Variants in MECOM observed in about 807,000 individuals in gnomAD.
MECOM encodes the protein MDS1 and EVI1 complex locus, also known as histone-lysine N-methyltransferase MECOM.
Under a neutral mutation model 116.3 loss-of-function variants are expected in MECOM, and 13 were observed. The ratio of observed to expected loss-of-function variants is 0.11; its 90% CI spans 0.07 to 0.18. The LOEUF is 0.18. Among genes scored for constraint, MECOM ranks in the 10% least tolerant of loss-of-function variants. The pLI is 1.00. For synonymous variants in MECOM, 528 were observed against 535.2 expected (o/e 0.99, Z 0.19); for missense variants, 1,299 against 1,509.0 (o/e 0.86, Z 2.31).
chr3:169,501,396 A>G (rs1252439392), intron 1 of MECOM, among the ~76,000 whole-genome samples: 5 of 152,016 alleles, frequency 3.3e-5, no homozygotes, highest in Non-Finnish European at 7.4e-5. Flanking sequence ...AAATTACTGA[A>G]AGGCATTTTA....
chr3:169,394,899 T>C (rs1734790408), intron 1 of MECOM, among the ~76,000 whole-genome samples: 1 of 152,198 alleles, frequency 6.6e-6, no homozygotes, highest in African/African-American at 2.4e-5. Context: ...TCTGCATTTT[T>C]CTTCAAAGTT....
At chr3:169,571,515 A>T (rs1314772182) in intron 1 of MECOM, among the ~76,000 whole-genome samples, 1 of 152,254 alleles carries the variant, frequency 6.6e-6, no homozygotes, top group Non-Finnish European at 1.5e-5. Flanking sequence ...TGGAACAGAA[A>T]TAGAGCCCGT....
intron 2 of MECOM, among the ~76,000 whole-genome samples, chr3:169,248,505 T>C (rs1755862593): frequency 1.3e-5 from 2 of 152,232 alleles, no homozygotes; most frequent in Non-Finnish European, 2.9e-5. Context: ...GTTCTAGGAA[T>C]ACCCTTTTGT....
At chr3:169,418,737 G>T (rs560750111) in intron 1 of MECOM, among the ~76,000 whole-genome samples, 2 of 152,024 alleles carry the variant, frequency 1.3e-5, no homozygotes. Context: ...GGTATTGATG[G>T]AACATATGTC....
intron 2 of MECOM, among the ~76,000 whole-genome samples, chr3:169,237,610 C>CAAAAAAAAAAA (rs775383808): frequency 1.2e-5 from 1 of 80,644 alleles, no homozygotes; most frequent in Non-Finnish European, 2.5e-5. Context: ...GTCTCCATCA[C>CAAAAAAAAAAA]AAAAAAAAAA....
At position 169,501,530 on chromosome 3, in the gene MECOM, T is replaced by G. The variant is rs1177302789; in HGVS notation, c.38-120006A>C. Among the ~76,000 whole-genome samples the G allele has an allele frequency of 2.0e-5, 3 of 152,068 alleles. No individual in the cohort carries two copies. In the East Asian group the frequency reaches 5.8e-4, roughly 29 times the overall value. On this transcript the variant is annotated intron_variant, in intron 1 of 16. Transcript: ENST00000651503. ...CGTTTTTAACCCAGCTCTGAAAGACTCATTTGAATATTGCTAATAAAAAAT... is the reference window on the plus strand; with the variant it reads ...CGTTTTTAACCCAGCTCTGAAAGACGCATTTGAATATTGCTAATAAAAAAT...
At chr3:169,354,927 A>C (rs1727000116) in intron 2 of MECOM, among the ~76,000 whole-genome samples, 1 of 151,872 alleles carries the variant, frequency 6.6e-6, no homozygotes, top group Non-Finnish European at 1.5e-5. Flanking sequence ...CGGCGCAATG[A>C]ATTAGCACTC....
intron 1 of MECOM, among the ~76,000 whole-genome samples, chr3:169,653,787 C>G (rs1775203723): frequency 6.6e-6 from 1 of 152,136 alleles, no homozygotes; most frequent in African/African-American, 2.4e-5. Flanking sequence ...TACCTCTAGT[C>G]CACAAGTAAG....
intron 2 of MECOM, among the ~76,000 whole-genome samples, chr3:169,158,908 G>A (rs551456829): frequency 1.3e-5 from 2 of 152,286 alleles, no homozygotes; most frequent in East Asian, 3.9e-4. Flanking sequence ...GTGTGGTCCA[G>A]GTGATAACCG....
At chr3:169,182,107 T>G (rs925323545) in intron 2 of MECOM, among the ~76,000 whole-genome samples, 1 of 152,180 alleles carries the variant, frequency 6.6e-6, no homozygotes, top group Non-Finnish European at 1.5e-5. Flanking sequence ...AGTCTAAATA[T>G]TCACAGAGCT....
chr3:169,119,199 G>C (rs1730188940), intron 7 of MECOM, among the ~76,000 whole-genome samples: 2 of 152,118 alleles, frequency 1.3e-5, no homozygotes, highest in Admixed American at 1.3e-4. Context: ...CACACCAGTG[G>C]GGGTAAATCG....
At chr3:169,146,547 C>T (rs1352395292) in intron 2 of MECOM, 1 of 1,377,428 alleles carries the variant, frequency 7.3e-7, no homozygotes, top group Non-Finnish European at 9.6e-7. Flanking sequence ...AAGGAAATCG[C>T]CCGGCTTAGC....
chr3:169,362,024 T>C (rs1015006025), intron 2 of MECOM, among the ~76,000 whole-genome samples: 1 of 151,908 alleles, frequency 6.6e-6, no homozygotes. Context: ...TGATTTCAGA[T>C]ATATAAAACA....
chr3:169,588,351 G>A (rs1766006283), intron 1 of MECOM, among the ~76,000 whole-genome samples: 1 of 152,044 alleles, frequency 6.6e-6, no homozygotes, highest in African/African-American at 2.4e-5. Flanking sequence ...ATTTTTGTGG[G>A]TGACTTTTAT....
intron 2 of MECOM, among the ~76,000 whole-genome samples, chr3:169,255,858 T>C (rs1381584681): frequency 6.6e-6 from 1 of 152,230 alleles, no homozygotes; most frequent in Non-Finnish European, 1.5e-5. Flanking sequence ...ACTAATTTTT[T>C]AATCCATTTT....
chr3:169,170,243 T>G (rs1314177421), intron 2 of MECOM, among the ~76,000 whole-genome samples: 1 of 151,702 alleles, frequency 6.6e-6, no homozygotes, highest in East Asian at 1.9e-4. Flanking sequence ...AAACCCCATC[T>G]CTACTAAAAA....
At chr3:169,489,018 G>A (rs1231828375) in intron 1 of MECOM, among the ~76,000 whole-genome samples, 4 of 151,960 alleles carry the variant, frequency 2.6e-5, no homozygotes, top group African/African-American at 9.7e-5. Context: ...TTAAAAGGAA[G>A]CATAAATGAA....
intron 1 of MECOM, among the ~76,000 whole-genome samples, chr3:169,576,458 C>CA (rs1252421343): frequency 4.6e-5 from 7 of 151,938 alleles, no homozygotes. Context: ...TGTGGCACAT[C>CA]AAAAAAGGTA....
Position 169,137,505 on chromosome 3 carries a change from G to A in MECOM, c.511-5974C>T, listed in dbSNP as rs1813706. Among the ~76,000 whole-genome samples the A allele has an allele frequency of 0.011, 1,601 of 152,192 alleles. 66 individuals are homozygous for A. In the East Asian group the frequency reaches 0.11, roughly 11 times the overall value. On this transcript the variant is annotated intron_variant, in intron 3 of 16. Coordinates refer to ENST00000651503, the MANE Select transcript of MECOM (RefSeq NM_004991.4). Reference sequence around the variant, plus strand: ...CATAAATTTGTTCAACACTATGGAAGCTTTATCATGGCTAAGCATTGCCAA... The same window carrying A: ...CATAAATTTGTTCAACACTATGGAAACTTTATCATGGCTAAGCATTGCCAA...
Sources: allele counts gnomAD v4.1 joint callset (sites outside exome capture counted in the v4.1 genomes callset), GRCh38; gene constraint gnomAD v4.1.1; transcripts MANE v1.5; gene names NCBI Gene and HGNC (gene_info 2026-07-23, HGNC 2026-07-21).